The following INPP4B variants were observed in gnomAD, a reference collection of about 807,000 sequenced individuals.
The protein encoded by INPP4B is inositol polyphosphate-4-phosphatase type II B, also known as inositol polyphosphate 4-phosphatase type II.
In INPP4B, 55 loss-of-function variants were observed where a neutral mutation model predicts 122.5. That is an observed-to-expected ratio of 0.45 (90% CI 0.36 to 0.56). The LOEUF is 0.56. INPP4B is among the 20% of genes least tolerant of loss of function. The pLI is 0.00. For synonymous variants in INPP4B, 403 were observed against 388.7 expected, an observed-to-expected ratio of 1.04 and a Z score of -0.43; for missense variants, 1,000 against 1,097.7, an observed-to-expected ratio of 0.91 and a Z score of 1.26.
chr4:142,591,222 T>C (rs28620580), intron 2 of INPP4B, among the ~76,000 whole-genome samples: 2,139 of 151,808 alleles, frequency 0.014, 40 homozygotes, highest in African/African-American at 0.041. Flanking sequence ...GAAGTCGAGG[T>C]TGCAGTGAGC....
chr4:142,817,071 C>T (rs1283239594), intron 1 of INPP4B, among the ~76,000 whole-genome samples: 2 of 152,048 alleles, frequency 1.3e-5, no homozygotes, highest in Non-Finnish European at 2.9e-5. Flanking sequence ...CTTTAAAATA[C>T]TGATACATAC....
At position 142,760,591 on chromosome 4, in the gene INPP4B, C is replaced by G. The variant is rs1399677794; in HGVS notation, c.-253-34690G>C. Among the ~76,000 whole-genome samples the G allele has an allele frequency of 2.0e-5, 3 of 152,104 alleles. No individual in the cohort carries two copies. The South Asian group carries it at 6.2e-4, about 32-fold the overall frequency. The stretch of plus-strand genomic sequence containing the variant: ...TGCTGAAAATTTATACTTTCAACTA[C>G]TGACTCAAAAAACTGGGAAAGTCAT... On this transcript the variant is annotated intron_variant, in intron 1 of 25. Coordinates refer to ENST00000262992, the MANE Select transcript of INPP4B (RefSeq NM_001101669.3).
chr4:142,514,635 C>CTTCAATTTTCTCA (rs1386994491), intron 2 of INPP4B: 2 of 151,998 alleles, frequency 1.3e-5, no homozygotes, highest in Non-Finnish European at 2.9e-5. Flanking sequence ...CTTAGGTCAG[C>CTTCAATTTTCTCA]TTCAATTTTC....
chr4:142,305,027 T>C (rs1241720364), intron 9 of INPP4B, among the ~76,000 whole-genome samples: 1 of 151,978 alleles, frequency 6.6e-6, no homozygotes, highest in Non-Finnish European at 1.5e-5. Flanking sequence ...AGCACCAAAA[T>C]AGGCTGAAAA....
intron 1 of INPP4B, among the ~76,000 whole-genome samples, chr4:142,799,515 A>T (rs1034085100): frequency 1.3e-5 from 2 of 151,964 alleles, no homozygotes; most frequent in African/African-American, 2.4e-5. Context: ...AAAAATATGT[A>T]TGCTATTAAA....
At chr4:142,345,337 T>C (rs1213110828) in intron 7 of INPP4B, among the ~76,000 whole-genome samples, 1 of 152,054 alleles carries the variant, frequency 6.6e-6, no homozygotes, top group Non-Finnish European at 1.5e-5. Context: ...AAAGGATCTA[T>C]ATTCACCATC....
At chr4:142,753,773 A>G (rs1161163240) in intron 1 of INPP4B, among the ~76,000 whole-genome samples, 1 of 152,142 alleles carries the variant, frequency 6.6e-6, no homozygotes, top group Non-Finnish European at 1.5e-5. Flanking sequence ...GCTTTATATC[A>G]GTATGACTAT....
chr4:142,192,333 T>TAAAAAAA (rs71586265), intron 15 of INPP4B, among the ~76,000 whole-genome samples: 4 of 8,972 alleles, frequency 4.5e-4, no homozygotes, highest in African/African-American at 6.8e-4. Flanking sequence ...AATCTAAAAG[T>TAAAAAAA]AAAAAAAAAA....
rs182283031 is a variant in INPP4B, at chr4:142,656,740, C to A, written c.-191+69099G>T. ...AGGCTCTTCCCCAGGAATTTTTAAA[C>A]TGCTTTTTTGTTCTTTCTCCTTCTC... On this transcript the variant is annotated intron_variant, in intron 2 of 25. Transcript: ENST00000262992. Among the ~76,000 whole-genome samples, 46 of 152,312 alleles carry A rather than the reference C, an allele frequency of 3.0e-4. 1 individual carries two copies. In the East Asian group the frequency reaches 8.3e-3, roughly 27 times the overall value.
At chr4:142,639,069 T>C (rs1209219161) in intron 2 of INPP4B, among the ~76,000 whole-genome samples, 1 of 152,200 alleles carries the variant, frequency 6.6e-6, no homozygotes, top group African/African-American at 2.4e-5. Flanking sequence ...GCTGAAGTGT[T>C]GAATTACATT....
At chr4:142,799,813 C>A (rs1464818994) in intron 1 of INPP4B, among the ~76,000 whole-genome samples, 1 of 151,818 alleles carries the variant, frequency 6.6e-6, no homozygotes, top group Non-Finnish European at 1.5e-5. Flanking sequence ...ATATAAATTT[C>A]TTTATGAATA....
chr4:142,046,284 T>C (rs1450636910), intron 25 of INPP4B, among the ~76,000 whole-genome samples: 2 of 152,148 alleles, frequency 1.3e-5, no homozygotes, highest in African/African-American at 4.8e-5. Context: ...CAATATTTGT[T>C]GAGCATATAC....
intron 2 of INPP4B, among the ~76,000 whole-genome samples, chr4:142,594,712 T>TTGGGAGCCTCCTGAGTAGC (rs1738285391): frequency 6.6e-6 from 1 of 152,072 alleles, no homozygotes; most frequent in African/African-American, 2.4e-5. Context: ...TCCCAGCACT[T>TTGGGAGCCTCCTGAGTAGC]TGGGAGCCCG....
chr4:142,125,923 T>C (rs1798448480), intron 18 of INPP4B, among the ~76,000 whole-genome samples: 1 of 152,152 alleles, frequency 6.6e-6, no homozygotes, highest in South Asian at 2.1e-4. Flanking sequence ...GTTTTAAAGA[T>C]ATAGACAAGT....
intron 1 of INPP4B, among the ~76,000 whole-genome samples, chr4:142,729,750 A>G (rs1460583158): frequency 1.3e-5 from 2 of 152,148 alleles, no homozygotes; most frequent in Non-Finnish European, 2.9e-5. Flanking sequence ...CACAGTCACT[A>G]GTCAGCTGAG....
chr4:142,273,439 C>T (rs1561705602), intron 9 of INPP4B, among the ~76,000 whole-genome samples: 1 of 151,810 alleles, frequency 6.6e-6, no homozygotes, highest in East Asian at 1.9e-4. Context: ...GATACAAAGA[C>T]TTTGTAATAA....
Position 142,365,907 on chromosome 4 carries a change from TA to T in INPP4B, c.372+37030del, listed in dbSNP as rs367753725. Among the ~76,000 whole-genome samples the T allele has an allele frequency of 5.5e-3, 830 of 152,218 alleles. 12 individuals are homozygous for T. The highest frequency in any genetic ancestry group is 0.018 in the African/African-American group (751 of 41,530). On this transcript the variant is annotated intron_variant, in intron 7 of 25. Coordinates refer to ENST00000262992, the MANE Select transcript of INPP4B (RefSeq NM_001101669.3). ...AATTACCTTAATTCAATAATAATTT[TA>T]AAAAGCGTTTTCTCAAAACGAAATG...
At chr4:142,658,438 C>T (rs371158386) in intron 2 of INPP4B, among the ~76,000 whole-genome samples, 40 of 152,292 alleles carry the variant, frequency 2.6e-4, no homozygotes, top group African/African-American at 7.9e-4. Context: ...ATTGCTGATC[C>T]TTGTTCTGTT....
At chr4:142,334,472 A>G (rs1469275597) in intron 7 of INPP4B, among the ~76,000 whole-genome samples, 1 of 152,174 alleles carries the variant, frequency 6.6e-6, no homozygotes, top group Non-Finnish European at 1.5e-5. Flanking sequence ...ATATACCCAG[A>G]AGTGGAATTG....
Sources: allele counts gnomAD v4.1 joint callset (sites outside exome capture counted in the v4.1 genomes callset), GRCh38; gene constraint gnomAD v4.1.1; transcripts MANE v1.5; gene names NCBI Gene and HGNC (gene_info 2026-07-23, HGNC 2026-07-21).